BICD1: variants seen among roughly 807,000 people sequenced by gnomAD.
The protein encoded by BICD1 is BICD cargo adaptor 1, also known as protein bicaudal D homolog 1.
A neutral mutation model predicts 92.5 loss-of-function variants in BICD1; 35 were observed. The observed-to-expected ratio is 0.38, with a 90% CI of 0.29 to 0.50. BICD1 has a LOEUF of 0.50. Ranked by LOEUF, BICD1 falls within the 20% of genes least tolerant of loss-of-function variation. The probability of loss-of-function intolerance (pLI) is 0.93; values close to 1 mark genes in which losing one functional copy is unlikely to be tolerated. For synonymous variants in BICD1, 429 were observed against 465.1 expected (o/e 0.92, Z 1.00); for missense variants, 950 against 1,189.8 (o/e 0.80, Z 2.97).
chr12:32,316,548 G>A (rs1337077030), intron 4 of BICD1, among the ~76,000 whole-genome samples: 3 of 149,802 alleles, frequency 2.0e-5, no homozygotes, highest in East Asian at 1.9e-4. Flanking sequence ...CAATCCACCC[G>A]CCTCAGCCTC....
chr12:32,316,473 T>C (rs1201633979), intron 4 of BICD1, among the ~76,000 whole-genome samples: 1 of 151,472 alleles, frequency 6.6e-6, no homozygotes. Flanking sequence ...TTTTATTTTT[T>C]ATTTTTTAGT....
At chr12:32,157,412 G>A (rs147830010) in intron 1 of BICD1, among the ~76,000 whole-genome samples, 2 of 152,172 alleles carry the variant, frequency 1.3e-5, no homozygotes, top group African/African-American at 4.8e-5. Flanking sequence ...AAATGCAGGT[G>A]TATTATTATG....
At chr12:32,149,065 A>G (rs1943206596) in intron 1 of BICD1, among the ~76,000 whole-genome samples, 2 of 151,804 alleles carry the variant, frequency 1.3e-5, no homozygotes, top group African/African-American at 4.8e-5. Context: ...TGACATAGGC[A>G]TTCTCTAATG....
intron 2 of BICD1, chr12:32,227,843 A>C (rs950249218): frequency 6.5e-6 from 1 of 153,904 alleles, no homozygotes; most frequent in Admixed American, 6.5e-5. Flanking sequence ...TATGAACCCC[A>C]GCCCTCCCAG....
At chr12:32,317,359 C>G (rs528172511) in intron 4 of BICD1, among the ~76,000 whole-genome samples, 6 of 152,308 alleles carry the variant, frequency 3.9e-5, no homozygotes, top group Admixed American at 3.9e-4. Flanking sequence ...CACATCCTCT[C>G]CAGCACCTGT....
chr12:32,107,208 C>G lies in BICD1; in HGVS notation c.-124C>G. 7 of 940,194 alleles carry G rather than the reference C, an allele frequency of 7.4e-6. No homozygotes were observed. Among genetic ancestry groups the G allele is most frequent in the Non-Finnish European group, 1.1e-5 (7 of 632,092 alleles). 58.2% of individuals were successfully genotyped at this position (940,194 alleles called of 1,614,324 possible). A position where few individuals can be genotyped will look rare whatever the true frequency, so the allele number is the denominator to read the frequency against. On this transcript the variant is annotated 5_prime_UTR_variant, in exon 1 of 10. Transcript: ENST00000652176. ...CCGGCGGGGCATCGCGCTGCTCATT[C>G]ATCCGGCCGCACTTTCTTTTCCGTT...
At chr12:32,190,898 CT>C (rs796529618) in intron 1 of BICD1, among the ~76,000 whole-genome samples, 3 of 152,266 alleles carry the variant, frequency 2.0e-5, no homozygotes, top group Admixed American at 1.3e-4. Context: ...TCTCCAGTAC[CT>C]TTTCTGATCA....
At chr12:32,308,959 CTG>C (rs912345788) in intron 4 of BICD1, among the ~76,000 whole-genome samples, 1 of 152,120 alleles carries the variant, frequency 6.6e-6, no homozygotes, top group African/African-American at 2.4e-5. Context: ...ACAACACTAA[CTG>C]TAAATTTTTT....
intron 3 of BICD1, among the ~76,000 whole-genome samples, chr12:32,300,438 C>A (rs964658636): frequency 6.6e-5 from 10 of 151,246 alleles, no homozygotes; most frequent in Non-Finnish European, 1.2e-4. Context: ...CTGGTCTAGG[C>A]CATCAGTTTA....
chr12:32,320,701 A>G (rs11051932), intron 4 of BICD1, among the ~76,000 whole-genome samples: 37,684 of 151,772 alleles, frequency 0.25, 5,027 homozygotes, highest in East Asian at 0.59. Flanking sequence ...AAAAAATTCT[A>G]TGGGATATAG....
intron 2 of BICD1, among the ~76,000 whole-genome samples, chr12:32,257,603 A>G (rs1946755108): frequency 6.6e-6 from 1 of 152,186 alleles, no homozygotes; most frequent in African/African-American, 2.4e-5. Flanking sequence ...CTAAAGATGT[A>G]TAGATCCTAA....
intron 1 of BICD1, among the ~76,000 whole-genome samples, chr12:32,113,431 G>C (rs1406246498): frequency 6.6e-6 from 1 of 152,140 alleles, no homozygotes; most frequent in Non-Finnish European, 1.5e-5. Flanking sequence ...ACCCAGGCTG[G>C]AGTGCAGTGG....
intron 1 of BICD1, among the ~76,000 whole-genome samples, chr12:32,195,723 T>G (rs1592455386): frequency 6.6e-6 from 1 of 152,118 alleles, no homozygotes; most frequent in Admixed American, 6.6e-5. Flanking sequence ...TTGGCAATGA[T>G]TTTTTTGGAA....
intron 1 of BICD1, among the ~76,000 whole-genome samples, chr12:32,117,753 TA>T (rs1261484797): frequency 3.0e-3 from 313 of 104,090 alleles, no homozygotes; most frequent in African/African-American, 7.3e-3. Flanking sequence ...TATATATATA[TA>T]TATATTTTTT....
At chr12:32,131,950 CG>C (rs1198418862) in intron 1 of BICD1, among the ~76,000 whole-genome samples, 1 of 152,104 alleles carries the variant, frequency 6.6e-6, no homozygotes, top group Non-Finnish European at 1.5e-5. Flanking sequence ...ACAAGACTGG[CG>C]GGGGTGCTGG....
intron 2 of BICD1, among the ~76,000 whole-genome samples, chr12:32,278,163 T>G (rs1187082612): frequency 6.6e-6 from 1 of 152,238 alleles, no homozygotes; most frequent in Non-Finnish European, 1.5e-5. Flanking sequence ...CCTTCACCAT[T>G]ATTGCACCAT....
At chr12:32,202,901 G>T (rs573839975) in intron 1 of BICD1, among the ~76,000 whole-genome samples, 5 of 152,088 alleles carry the variant, frequency 3.3e-5, no homozygotes, top group Non-Finnish European at 5.9e-5. Context: ...GTGAGCCACC[G>T]CACCAGGCCC....
intron 9 of BICD1, among the ~76,000 whole-genome samples, chr12:32,377,106 C>T (rs1343332297): frequency 6.6e-6 from 1 of 152,158 alleles, no homozygotes; most frequent in Non-Finnish European, 1.5e-5. Flanking sequence ...TCTCACCCCA[C>T]ACCTAATGAA....
intron 1 of BICD1, among the ~76,000 whole-genome samples, chr12:32,152,290 A>G (rs1252483132): frequency 6.6e-6 from 1 of 150,404 alleles, no homozygotes; most frequent in East Asian, 1.9e-4. Context: ...GCTCTGTCAC[A>G]TAGGCTGGTG....
Sources: allele counts gnomAD v4.1 joint callset (sites outside exome capture counted in the v4.1 genomes callset), GRCh38; gene constraint gnomAD v4.1.1; transcripts MANE v1.5; gene names NCBI Gene and HGNC (gene_info 2026-07-23, HGNC 2026-07-21).